CRPPA: variants seen among roughly 807,000 people sequenced by gnomAD.
The protein encoded by CRPPA is D-ribitol-5-phosphate cytidylyltransferase.
In CRPPA, 43 loss-of-function variants were observed where a neutral mutation model predicts 52.0. The observed-to-expected ratio is 0.83, with a 90% CI of 0.65 to 1.07. CRPPA has a LOEUF of 1.07. Ranked by LOEUF, CRPPA falls within the 50% of genes least tolerant of loss-of-function variation. CRPPA has a pLI of 0.00. For missense variants in CRPPA, 629 were observed against 551.7 expected, an observed-to-expected ratio of 1.14 and a Z score of -1.40; for synonymous variants, 250 against 203.5, an observed-to-expected ratio of 1.23 and a Z score of -1.94.
At chr7:16,185,022 C>A (rs1781478788) in intron 9 of CRPPA, among the ~76,000 whole-genome samples, 2 of 152,126 alleles carry the variant, frequency 1.3e-5, no homozygotes, top group African/African-American at 4.8e-5. Context: ...CTAAGTGGTT[C>A]TAGGTACCAT....
chr7:16,399,809 A>G lies in CRPPA; in HGVS notation c.534+6252T>C, dbSNP rs768538312. Among the ~76,000 whole-genome samples the G allele has an allele frequency of 3.3e-5, 5 of 152,152 alleles. No individual in the cohort carries two copies. The East Asian group carries it at 5.8e-4, about 18-fold the overall frequency. ...GGCACGTGACCAACACGTGACTGAC[A>G]CTTGATCGTCACGTGATCAGCACGT... On this transcript the variant is annotated intron_variant, in intron 2 of 9. Transcript: ENST00000407010.
intron 9 of CRPPA, among the ~76,000 whole-genome samples, chr7:16,166,466 G>C (rs1416855559): frequency 1.3e-5 from 2 of 152,024 alleles, no homozygotes; most frequent in African/African-American, 4.8e-5. Context: ...TTTTAGTAGA[G>C]ACAAGGTTTC....
chr7:16,244,856 A>G (rs1157859920), intron 8 of CRPPA, among the ~76,000 whole-genome samples: 4 of 152,224 alleles, frequency 2.6e-5, no homozygotes, highest in South Asian at 2.1e-4. Context: ...AACATTTACA[A>G]TAAATGCACT....
At chr7:16,319,325 C>T (rs757066890) in intron 3 of CRPPA, among the ~76,000 whole-genome samples, 3 of 152,108 alleles carry the variant, frequency 2.0e-5, no homozygotes, top group Non-Finnish European at 4.4e-5. Context: ...CCCTTGAAGT[C>T]CTCTGATCTT....
At position 16,421,452 on chromosome 7, in the gene CRPPA, C is replaced by G; in HGVS notation, c.-130G>C. On this transcript the variant is annotated 5_prime_UTR_variant, in exon 1 of 10. Transcript: ENST00000407010. ...GGACGCAGAGCGCGCAAGCAGAAGG[C>G]GCCCCCCTCAGCCGTCGGAGCCCCG... 9.5e-6 allele frequency: 9 copies of G among 946,626 alleles called. No individual in the cohort carries two copies. Among genetic ancestry groups the G allele is most frequent in the Non-Finnish European group, 1.2e-5 (9 of 735,784 alleles). The allele number at this position is 946,626 out of a possible 1,614,324, so 58.6% of individuals were successfully genotyped here.
At chr7:16,299,100 C>G (rs1402639270) in intron 5 of CRPPA, among the ~76,000 whole-genome samples, 1 of 152,192 alleles carries the variant, frequency 6.6e-6, no homozygotes, top group African/African-American at 2.4e-5. Context: ...GGTTCTGTTT[C>G]TCTAAACAAC....
At chr7:16,395,932 C>T (rs1364903620) in intron 2 of CRPPA, among the ~76,000 whole-genome samples, 3 of 152,104 alleles carry the variant, frequency 2.0e-5, no homozygotes. Flanking sequence ...AGTAGCTTCC[C>T]CAACATCAAA....
At chr7:16,287,796 C>G (rs1784480742) in intron 5 of CRPPA, among the ~76,000 whole-genome samples, 1 of 151,872 alleles carries the variant, frequency 6.6e-6, no homozygotes, top group Non-Finnish European at 1.5e-5. Flanking sequence ...GTGGTGTGTG[C>G]CTGTAATTCC....
At chr7:16,281,618 T>G (rs957760509) in intron 5 of CRPPA, among the ~76,000 whole-genome samples, 1 of 152,202 alleles carries the variant, frequency 6.6e-6, no homozygotes, top group Non-Finnish European at 1.5e-5. Flanking sequence ...TATTCGCACA[T>G]AATGAGTTGG....
At chr7:16,096,939 T>C (rs1184270976) in intron 9 of CRPPA, among the ~76,000 whole-genome samples, 1 of 152,174 alleles carries the variant, frequency 6.6e-6, no homozygotes, top group African/African-American at 2.4e-5. Context: ...TGCTATATTT[T>C]CAAAACCCCC....
intron 2 of CRPPA, among the ~76,000 whole-genome samples, chr7:16,381,444 G>A (rs1417263058): frequency 6.6e-6 from 1 of 151,882 alleles, no homozygotes; most frequent in Non-Finnish European, 1.5e-5. Flanking sequence ...GTTTGGTGTG[G>A]TGCTGAAAAA....
rs542269195 is a variant in CRPPA, at chr7:16,365,628, GA to G, written c.684+10463del. ...TTGAAAAATCTCTCTTTATAAAGAT[GA>G]AAAAGGCAGGTGCCCTGTATCAGAG... On this transcript the variant is annotated intron_variant, in intron 3 of 9. Coordinates refer to ENST00000407010, the MANE Select transcript of CRPPA (RefSeq NM_001101426.4). Among the ~76,000 whole-genome samples the G allele has an allele frequency of 2.5e-3, 384 of 152,156 alleles. 2 individuals are homozygous for G. Among genetic ancestry groups the G allele is most frequent in the African/African-American group, 8.7e-3 (361 of 41,520 alleles).
chr7:16,252,747 G>C (rs1033673606), intron 8 of CRPPA, among the ~76,000 whole-genome samples: 3 of 151,908 alleles, frequency 2.0e-5, no homozygotes, highest in African/African-American at 7.3e-5. Context: ...GATTTTTTTT[G>C]GTTGGTAAGC....
At chr7:16,110,733 A>T (rs1441344493) in intron 9 of CRPPA, among the ~76,000 whole-genome samples, 1 of 152,106 alleles carries the variant, frequency 6.6e-6, no homozygotes, top group Non-Finnish European at 1.5e-5. Flanking sequence ...TGGGAAACCT[A>T]GATATCCACA....
chr7:16,204,320 T>G (rs977307746), intron 9 of CRPPA, among the ~76,000 whole-genome samples: 2 of 152,100 alleles, frequency 1.3e-5, no homozygotes, highest in African/African-American at 4.8e-5. Flanking sequence ...TTCTGAGATT[T>G]TGCAGCAATA....
chr7:16,167,732 G>T (rs184632007), intron 9 of CRPPA, among the ~76,000 whole-genome samples: 19 of 152,298 alleles, frequency 1.2e-4, no homozygotes, highest in Admixed American at 2.6e-4. Flanking sequence ...TTCTTTGAAT[G>T]TATTATGCAT....
In CRPPA at chr7:16,172,479, T is replaced by G. The variant is rs116359916; in HGVS notation, c.1251+43587A>C. 3.0e-3 allele frequency among the ~76,000 whole-genome samples: 450 copies of G among 152,320 alleles called. 3 individuals are homozygous for G. Among genetic ancestry groups the G allele is most frequent in the African/African-American group, 0.01 (433 of 41,572 alleles). On this transcript the variant is annotated intron_variant, in intron 9 of 9. Transcript: ENST00000407010. Reference sequence around the variant, plus strand: ...GTTACAGTCCAATCAGCCAAGAATATGAGCCTTGAAGAGACAACATTTGGT... The same window carrying G: ...GTTACAGTCCAATCAGCCAAGAATAGGAGCCTTGAAGAGACAACATTTGGT...
chr7:16,136,185 C>T (rs1244451704), intron 9 of CRPPA, among the ~76,000 whole-genome samples: 1 of 152,152 alleles, frequency 6.6e-6, no homozygotes, highest in Non-Finnish European at 1.5e-5. Context: ...ACTTTGACCA[C>T]ATAAATATAA....
intron 5 of CRPPA, among the ~76,000 whole-genome samples, chr7:16,300,347 GAA>G (rs1554316369): frequency 6.6e-6 from 1 of 151,956 alleles, no homozygotes; most frequent in Non-Finnish European, 1.5e-5. Flanking sequence ...TTTCTACTTC[GAA>G]AAAAGTTTGA....
Sources: gnomAD v4.1 joint callset for allele counts (sites outside exome capture counted in the v4.1 genomes callset) on GRCh38, gnomAD v4.1.1 for gene constraint, MANE v1.5 for transcripts, NCBI Gene and HGNC (gene_info 2026-07-23, HGNC 2026-07-21) for gene names.